The following VDAC3 variants were observed in gnomAD, a reference collection of about 807,000 sequenced individuals.
The protein encoded by VDAC3 is voltage dependent anion channel 3.
VDAC3 carries 7 observed loss-of-function variants against 33.9 expected under a neutral mutation model. The ratio of observed to expected loss-of-function variants is 0.21; its 90% CI spans 0.12 to 0.39. The LOEUF (loss-of-function observed/expected upper bound fraction) is 0.39, where lower values mean the gene tolerates loss of function less well. Among genes scored for constraint, VDAC3 ranks in the 10% least tolerant of loss-of-function variants. The pLI is 1.00. For missense variants in VDAC3, 261 were observed against 334.5 expected, an observed-to-expected ratio of 0.78 and a Z score of 1.71; for synonymous variants, 100 against 122.4, an observed-to-expected ratio of 0.82 and a Z score of 1.21.
At chr8:42,400,823 G>A (rs1377073655) in intron 6 of VDAC3, among the ~76,000 whole-genome samples, 8 of 151,172 alleles carry the variant, frequency 5.3e-5, no homozygotes, top group African/African-American at 1.2e-4. Flanking sequence ...GCACCACCAC[G>A]CCCAGCTAAT....
rs773049014 is a variant in VDAC3, at chr8:42,398,843, A to G, written c.249A>G (p.Thr83=). 32 of 1,613,958 alleles carry G rather than the reference A, an allele frequency of 2.0e-5. 1 individual carries two copies. Among genetic ancestry groups the G allele is most frequent in the Non-Finnish European group, 2.7e-5 (32 of 1,179,976 alleles). The change falls in exon 5 of 10, where the codon ACA becomes ACG. Residue 83 remains threonine (T), a synonymous_variant. Transcript: ENST00000022615. The part of the protein sequence containing the change: ...QKWNTDNTLG[T]EISWENKLAE... ...GGAACACAGACAATACTCTAGGGAC[A>G]GAAATCTCTTGGGAGAATAAGGTAA...
At chr8:42,402,639 A>G (rs907305837) in intron 7 of VDAC3, among the ~76,000 whole-genome samples, 1 of 152,214 alleles carries the variant, frequency 6.6e-6, no homozygotes, top group African/African-American at 2.4e-5. Flanking sequence ...GAAAAAGCAA[A>G]GGGCAAACTA....
At chr8:42,399,829 T>C (rs1472303250) in intron 6 of VDAC3, 126 bp downstream of exon 6, 2 of 784,048 alleles carry the variant, frequency 2.6e-6, no homozygotes, top group African/African-American at 1.7e-5. Flanking sequence ...ATAAGGAATA[T>C]TGGAGACCTT....
chr8:42,393,164 T>C (rs1389339100), intron 1 of VDAC3, among the ~76,000 whole-genome samples: 1 of 152,198 alleles, frequency 6.6e-6, no homozygotes, highest in African/African-American at 2.4e-5. Flanking sequence ...CTTAAATGCA[T>C]TCCCATTTAA....
chr8:42,402,072 C>T, intron 7 of VDAC3, 57 bp downstream of exon 7: 1 of 1,521,698 alleles, frequency 6.6e-7, no homozygotes, highest in Non-Finnish European at 9.0e-7. Flanking sequence ...ATATTGTAGC[C>T]ATTAGCATGC....
chr8:42,401,659 A>T, intron 6 of VDAC3, 129 bp from the exon 7 acceptor site: 1 of 794,526 alleles, frequency 1.3e-6, no homozygotes. Context: ...TTTACTATAT[A>T]TGTGGCATGT....
intron 8 of VDAC3, among the ~76,000 whole-genome samples, chr8:42,404,579 G>A (rs1475661027): frequency 2.6e-5 from 4 of 152,028 alleles, no homozygotes; most frequent in African/African-American, 4.8e-5. Context: ...AAAATTAGCC[G>A]GGCATGGGGG....
rs774910332 is a variant in VDAC3, at chr8:42,401,794, G to A, written c.330G>A (p.Lys110=). The A allele has an allele frequency of 6.2e-7, 1 of 1,613,918 alleles. No individual in the cohort carries two copies. The highest frequency in any genetic ancestry group is 8.5e-7 in the Non-Finnish European group (1 of 1,179,914). ...DTIFVPNTGK[K]SGKLKASYKR... Reference sequence around the variant, plus strand: ...GTTTGTTTGTTTATTGCAGAAAGAAGAGTGGGAAATTGAAGGCCTCCTATA... The same window carrying A: ...GTTTGTTTGTTTATTGCAGAAAGAAAAGTGGGAAATTGAAGGCCTCCTATA... Residue 110 remains lysine, a synonymous_variant, in exon 7 of 10, where the codon AAG becomes AAA. Coordinates refer to ENST00000022615, the MANE Select transcript of VDAC3 (RefSeq NM_005662.7).
At chr8:42,396,363 T>C (rs2130886730) in intron 4 of VDAC3, among the ~76,000 whole-genome samples, 1 of 152,354 alleles carries the variant, frequency 6.6e-6, no homozygotes, top group East Asian at 1.9e-4. Context: ...TTGGTATTTA[T>C]CCATTCAAAC....
intron 1 of VDAC3, 26 bp downstream of exon 1, chr8:42,391,954 C>T (rs1004922143): frequency 6.6e-6 from 1 of 152,500 alleles, no homozygotes; most frequent in Non-Finnish European, 1.5e-5. Flanking sequence ...GCCGCGCGGG[C>T]TCCAGTCCCG....
At position 42,404,908 on chromosome 8, in the gene VDAC3, T is replaced by C. The variant is rs756724958; in HGVS notation, c.744T>C (p.Thr248=). Residue 248 remains threonine, a synonymous_variant, in exon 9 of 10, where the codon ACT becomes ACC. Coordinates refer to ENST00000022615, the MANE Select transcript of VDAC3 (RefSeq NM_005662.7). ...CCAGCCTGATTGGACTGGGTTATAC[T>C]CAGACCCTTCGACCAGGTAAGTAAA... is the stretch of plus-strand genomic sequence containing the variant. The part of the protein sequence containing the change: ...NNASLIGLGY[T]QTLRPGVKLT... 1 of 1,613,544 alleles carries C rather than the reference T, an allele frequency of 6.2e-7. No homozygotes were observed. The highest frequency in any genetic ancestry group is 1.3e-5 in the African/African-American group (1 of 74,892).
intron 6 of VDAC3, among the ~76,000 whole-genome samples, chr8:42,401,204 T>A (rs1181264697): frequency 6.6e-6 from 1 of 152,100 alleles, no homozygotes; most frequent in Non-Finnish European, 1.5e-5. Context: ...TATTCATTCT[T>A]TTTTTTTCTT....
intron 7 of VDAC3, 32 bp downstream of exon 7, chr8:42,402,047 G>A: frequency 6.2e-7 from 1 of 1,600,928 alleles, no homozygotes; most frequent in Non-Finnish European, 8.5e-7. Context: ...CTTAGTATCA[G>A]TGCAGTTGCC....
At chr8:42,396,626 C>G in intron 4 of VDAC3, 1 of 681,180 alleles carries the variant, frequency 1.5e-6, no homozygotes, top group Non-Finnish European at 2.6e-6. Flanking sequence ...AAATTATCAA[C>G]TAAAATTTTA....
chr8:42,396,126 C>T (rs532605882), intron 4 of VDAC3, among the ~76,000 whole-genome samples: 270 of 151,936 alleles, frequency 1.8e-3, no homozygotes, highest in African/African-American at 6.2e-3. Flanking sequence ...GACCTGATGA[C>T]GGGTGCCTGT....
In VDAC3 at chr8:42,401,763, G is replaced by A. The variant is rs769669745; in HGVS notation, c.324-25G>A. 20 of 1,606,056 alleles carry A rather than the reference G, an allele frequency of 1.2e-5. No homozygotes were observed. The African/African-American group carries it at 1.5e-4, about 12-fold the overall frequency. On this transcript the variant is annotated intron_variant, in intron 6 of 9. Coordinates refer to ENST00000022615, the MANE Select transcript of VDAC3 (RefSeq NM_005662.7). ...AGAACTCATGTTGTTTTCATCATTT[G>A]CTTTTGTTTGTTTGTTTATTGCAGA...
Position 42,403,024 on chromosome 8 carries a change from C to G in VDAC3, c.552-287C>G, listed in dbSNP as rs117849205. 1,360 of 372,018 alleles carry G rather than the reference C, an allele frequency of 3.7e-3. 3 individuals carry two copies. The highest frequency in any genetic ancestry group is 5.6e-3 in the Non-Finnish European group (1,146 of 204,634). 23.0% of individuals were successfully genotyped at this position (372,018 alleles called of 1,614,324 possible). A position where few individuals can be genotyped will look rare whatever the true frequency, so the allele number is the denominator to read the frequency against. Reference sequence around the variant, plus strand: ...CTCAGAGACCTATAGATTATACTTACCCGAGGTGTCTGCCTTTGTGCTTAA... The same window carrying G: ...CTCAGAGACCTATAGATTATACTTAGCCGAGGTGTCTGCCTTTGTGCTTAA... On this transcript the variant is annotated intron_variant, in intron 7 of 9. Transcript: ENST00000022615.
chr8:42,404,996 GA>G, intron 9 of VDAC3, 72 bp downstream of exon 9: 1 of 1,393,238 alleles, frequency 7.2e-7, no homozygotes, highest in Non-Finnish European at 1.0e-6. Context: ...ATAACCTGCA[GA>G]ACAACCTGTA....
chr8:42,399,783 C>A, intron 6 of VDAC3, 80 bp downstream of exon 6: 2 of 1,365,352 alleles, frequency 1.5e-6, no homozygotes, highest in Non-Finnish European at 2.1e-6. Flanking sequence ...AGATATAGTG[C>A]AAAGTTCAGA....
Sources: allele counts gnomAD v4.1 joint callset (sites outside exome capture counted in the v4.1 genomes callset), GRCh38; gene constraint gnomAD v4.1.1; transcripts MANE v1.5; gene names NCBI Gene and HGNC (gene_info 2026-07-23, HGNC 2026-07-21).